Variants in SEPTIN6 observed in about 807,000 individuals in gnomAD.
The protein encoded by SEPTIN6 is septin-6.
In SEPTIN6, 8 loss-of-function variants were observed where a neutral mutation model predicts 33.6. That is an observed-to-expected ratio of 0.24 (90% confidence interval 0.14 to 0.43). SEPTIN6 has a LOEUF of 0.43. Among genes scored for constraint, SEPTIN6 ranks in the 20% least tolerant of loss-of-function variants. The pLI, the probability that SEPTIN6 is intolerant of heterozygous loss-of-function variation, is 1.00. For synonymous variants in SEPTIN6, 131 were observed against 140.0 expected, an observed-to-expected ratio of 0.94 and a Z score of 0.45; for missense variants, 250 against 340.8, an observed-to-expected ratio of 0.73 and a Z score of 2.10.
chrX:119,650,197 GC>G, intron 4 of SEPTIN6, 99 bp from the exon 5 acceptor site: 1 of 863,225 alleles, frequency 1.2e-6, no homozygotes, highest in Non-Finnish European at 1.7e-6. Context: ...GAGCCGCTCA[GC>G]CCAGTGGTCA....
chrX:119,636,039 G>A (rs1444869153), intron 7 of SEPTIN6, among the ~76,000 whole-genome samples: 1 of 111,441 alleles, frequency 9.0e-6, no homozygotes. Flanking sequence ...GCTGCAGGTG[G>A]GGAAGACAGC....
chrX:119,677,924 C>T (rs1397506692), intron 1 of SEPTIN6, among the ~76,000 whole-genome samples: 2 of 112,734 alleles, frequency 1.8e-5, no homozygotes, highest in Admixed American at 9.4e-5. Flanking sequence ...TATTCTCTGC[C>T]CCAGGGGGTC....
chrX:119,669,218 A>G (rs891387208), intron 2 of SEPTIN6, among the ~76,000 whole-genome samples: 3 of 113,466 alleles, frequency 2.6e-5, no homozygotes, highest in African/African-American at 9.6e-5. Context: ...AATGTGCTCT[A>G]GCGAGACGCA....
intron 1 of SEPTIN6, among the ~76,000 whole-genome samples, chrX:119,690,577 G>T (rs2055152937): frequency 9.3e-6 from 1 of 107,735 alleles, no homozygotes; most frequent in Non-Finnish European, 1.9e-5. Context: ...ATCAAAACTA[G>T]CCAGGTGTGG....
intron 3 of SEPTIN6, among the ~76,000 whole-genome samples, chrX:119,661,677 C>A (rs934078767): frequency 1.8e-5 from 2 of 111,057 alleles, no homozygotes; most frequent in Non-Finnish European, 3.8e-5. Flanking sequence ...CCCCACCCCT[C>A]ATCACATTCC....
downstream of SEPTIN6, chrX:119,616,822 G>A: frequency 9.3e-7 from 1 of 1,077,677 alleles, no homozygotes; most frequent in Non-Finnish European, 1.3e-6. Context: ...AGGGGGAGGG[G>A]AATGGGCAAT....
chrX:119,661,235 C>G (rs1001824369), intron 3 of SEPTIN6, among the ~76,000 whole-genome samples: 8 of 102,391 alleles, frequency 7.8e-5, no homozygotes, highest in Admixed American at 2.2e-4. Flanking sequence ...ACCAACATGG[C>G]TAACACAGTG....
intron 1 of SEPTIN6, among the ~76,000 whole-genome samples, chrX:119,687,479 A>G (rs538124700): frequency 6.3e-5 from 7 of 110,833 alleles, no homozygotes; most frequent in Admixed American, 2.9e-4. Flanking sequence ...TGGATCTCCT[A>G]ACCTCATGAT....
At chrX:119,616,891 G>T, downstream of SEPTIN6, 1 of 1,087,724 alleles carries the variant, frequency 9.2e-7, no homozygotes, top group Non-Finnish European at 1.2e-6. Context: ...GTCATTGCTG[G>T]GCCATCACCA....
chrX:119,636,172 C>T (rs1396453375), intron 7 of SEPTIN6, among the ~76,000 whole-genome samples: 3 of 111,614 alleles, frequency 2.7e-5, no homozygotes, highest in African/African-American at 9.8e-5. Flanking sequence ...GCTCTGACTC[C>T]AGGCCAGCTT....
At chrX:119,673,196 C>A (rs2054775977) in intron 2 of SEPTIN6, among the ~76,000 whole-genome samples, 1 of 111,108 alleles carries the variant, frequency 9.0e-6, no homozygotes, top group African/African-American at 3.3e-5. Context: ...CACAGTGAGA[C>A]CTCACCTCAT....
intron 5 of SEPTIN6, among the ~76,000 whole-genome samples, chrX:119,643,398 A>G (rs1025657494): frequency 4.0e-5 from 4 of 99,642 alleles, no homozygotes; most frequent in East Asian, 5.9e-4. Flanking sequence ...GAGCTCGAGG[A>G]AAAAAAAAAC....
chrX:119,675,825 G>A lies in SEPTIN6; in HGVS notation c.31-157C>T, dbSNP rs757473944. On this transcript the variant is annotated intron_variant, in intron 1 of 10. Transcript: ENST00000394610. ...GCTACTCCCTGCTCCAAAGCAAAAT[G>A]GCCCGTCAGCTTGGAAATCACAGAT... Among the ~76,000 whole-genome samples, 8 of 111,589 alleles carry A rather than the reference G, an allele frequency of 7.2e-5. No homozygotes were observed. In the East Asian group the frequency reaches 2.3e-3, roughly 31 times the overall value.
rs748209333 is a variant in SEPTIN6, at chrX:119,663,714, T to C, written c.146-37A>G. ...AAGGATAAATTATGGTCTGTTCACA[T>C]AGTGACTATTCAGCCCTTACACATC... On this transcript the variant is annotated intron_variant, in intron 2 of 10. Transcript: ENST00000394610. 9 of 1,061,204 alleles carry C rather than the reference T, an allele frequency of 8.5e-6. No homozygotes were observed. The Admixed American group carries it at 1.5e-4, about 17-fold the overall frequency. The allele number at this position is 1,061,204 out of a possible 1,213,427, so 87.5% of individuals were successfully genotyped here.
At chrX:119,657,002 T>C (rs930095982) in intron 3 of SEPTIN6, among the ~76,000 whole-genome samples, 201 of 107,395 alleles carry the variant, frequency 1.9e-3, no homozygotes, top group African/African-American at 6.3e-3. Context: ...GCGGATTACC[T>C]GAGGTCAGGA....
chrX:119,667,838 C>T lies in SEPTIN6; in HGVS notation c.146-4161G>A, dbSNP rs142506056. ...GGGGTCAATTTCTCACTCCTCCTCC[C>T]CCAGCCCTCCCAGGGCTCCTCCAAG... On this transcript the variant is annotated intron_variant, in intron 2 of 10. Transcript: ENST00000394610. Among the ~76,000 whole-genome samples, 13 of 111,166 alleles carry T rather than the reference C, an allele frequency of 1.2e-4. No individual in the cohort carries two copies. The East Asian group carries it at 3.7e-3, about 31-fold the overall frequency.
intron 9 of SEPTIN6, 46 bp downstream of exon 9, chrX:119,629,272 G>A: frequency 8.6e-7 from 1 of 1,158,792 alleles, no homozygotes; most frequent in Non-Finnish European, 1.2e-6. Context: ...GGGAGGATGA[G>A]CAGGAGGAAA....
chrX:119,656,864 C>T (rs1377549890), intron 3 of SEPTIN6, among the ~76,000 whole-genome samples: 3 of 108,786 alleles, frequency 2.8e-5, no homozygotes, highest in African/African-American at 6.7e-5. Flanking sequence ...CCAGCCTGGG[C>T]GACAGAGTGA....
chrX:119,636,722 C>T (rs947050223), intron 7 of SEPTIN6, among the ~76,000 whole-genome samples: 5 of 111,674 alleles, frequency 4.5e-5, no homozygotes, highest in Non-Finnish European at 9.4e-5. Context: ...TTGGAGCTGT[C>T]ATGGATGCGT....
Sources: gnomAD v4.1 joint callset for allele counts (sites outside exome capture counted in the v4.1 genomes callset) on GRCh38, gnomAD v4.1.1 for gene constraint, MANE v1.5 for transcripts, NCBI Gene and HGNC (gene_info 2026-07-23, HGNC 2026-07-21) for gene names.